The following GLS variants were observed in gnomAD, a reference collection of about 807,000 sequenced individuals.
GLS encodes glutaminase kidney isoform, mitochondrial.
A neutral mutation model predicts 86.7 loss-of-function variants in GLS; 36 were observed. The observed-to-expected ratio is 0.42, with a 90% CI of 0.32 to 0.55. GLS has a LOEUF of 0.55. Among genes scored for constraint, GLS ranks in the 20% least tolerant of loss-of-function variants. The pLI is 0.17. For synonymous variants in GLS, 317 were observed against 305.9 expected, an observed-to-expected ratio of 1.04 and a Z score of -0.38; for missense variants, 528 against 833.4, an observed-to-expected ratio of 0.63 and a Z score of 4.51.
At chr2:190,889,951 T>C (rs1474153028) in intron 1 of GLS, among the ~76,000 whole-genome samples, 1 of 152,208 alleles carries the variant, frequency 6.6e-6, no homozygotes, top group Non-Finnish European at 1.5e-5. Context: ...ATGTGCATTT[T>C]GGTTAGAAAT....
At chr2:190,890,224 C>G (rs1158557679) in intron 1 of GLS, among the ~76,000 whole-genome samples, 1 of 152,028 alleles carries the variant, frequency 6.6e-6, no homozygotes, top group Non-Finnish European at 1.5e-5. Context: ...TGCTGTGTCA[C>G]CCAGGCTGGA....
At chr2:190,952,116 A>G (rs1318424809) in intron 14 of GLS, among the ~76,000 whole-genome samples, 1 of 152,194 alleles carries the variant, frequency 6.6e-6, no homozygotes, top group Non-Finnish European at 1.5e-5. Context: ...GTAGGACAAC[A>G]AGAAATGGGA....
rs373917672 is a variant in GLS at position 190,884,393 on chromosome 2, G to A, written c.386+2923G>A. Among the ~76,000 whole-genome samples the A allele has an allele frequency of 4.6e-5, 7 of 152,058 alleles. No homozygotes were observed. In the East Asian group the frequency reaches 5.8e-4, roughly 13 times the overall value. ...TTTTCTCCAATTCAACCTATTTTGC[G>A]TACTGTTATGAGAGTAATTTTAGAG... On this transcript the variant is annotated intron_variant, in intron 1 of 17. Transcript: ENST00000320717.
In GLS at chr2:190,905,028, T is replaced by G; in HGVS notation, c.840T>G (p.Val280=). Residue 280 remains valine, a synonymous_variant, in exon 6 of 18, where the codon GTT becomes GTG. Coordinates refer to ENST00000320717, the MANE Select transcript of GLS (RefSeq NM_014905.5). The surrounding 1 kb of genome is among the most constrained non-coding windows in gnomAD (Gnocchi z 4.6). ...GGCATTCTACTGGAGATACCAAAGT[T>G]CCCTTCTGTCTTCAGTCCTGTGTAA... The part of the protein sequence containing the change: ...GQRHSTGDTK[V]PFCLQSCVKP... 1 of 1,600,318 alleles carries G rather than the reference T, an allele frequency of 6.2e-7. No homozygotes were observed. The highest frequency in any genetic ancestry group is 8.6e-7 in the Non-Finnish European group (1 of 1,168,258).
At chr2:190,893,255 A>G (rs1199611315) in intron 1 of GLS, among the ~76,000 whole-genome samples, 1 of 152,216 alleles carries the variant, frequency 6.6e-6, no homozygotes, top group African/African-American at 2.4e-5. Flanking sequence ...ATAACAAGCT[A>G]GTAAGTTAGA....
chr2:190,885,891 G>A (rs972186998), intron 1 of GLS, among the ~76,000 whole-genome samples: 2 of 146,678 alleles, frequency 1.4e-5, no homozygotes, highest in South Asian at 2.2e-4. Context: ...ATTTATTTTT[G>A]AGGTGGAGTC....
intron 14 of GLS, among the ~76,000 whole-genome samples, chr2:190,939,350 A>G (rs1429275185): frequency 6.6e-6 from 1 of 151,694 alleles, no homozygotes; most frequent in Non-Finnish European, 1.5e-5. Context: ...AAACTTAAAT[A>G]TTGTTGCTCT....
chr2:190,901,770 G>C (rs149637529), intron 4 of GLS, among the ~76,000 whole-genome samples, 177 bp from the exon 5 acceptor site: 1 of 152,182 alleles, frequency 6.6e-6, no homozygotes, highest in Admixed American at 6.5e-5. Flanking sequence ...TCTCAAGTCT[G>C]TTTTGCCTTT....
Position 190,895,897 on chromosome 2 carries a change from C to T in GLS, c.605+172C>T, listed in dbSNP as rs1688717214. ...GTACATATTAGGTTCTATAATACAC[C>T]GGGCTAAGAGTATTCTTTCTTTAAA... On this transcript the variant is annotated intron_variant, in intron 3 of 17. Transcript: ENST00000320717. The surrounding 1 kb of genome is among the most constrained non-coding windows in gnomAD (Gnocchi z 4.2). The T allele has an allele frequency of 4.4e-6, 2 of 451,524 alleles. No homozygotes were observed. The highest frequency in any genetic ancestry group is 4.5e-5 in the South Asian group (1 of 22,166). The allele number at this position is 451,524 out of a possible 1,614,324, so 28.0% of individuals were successfully genotyped here.
At chr2:190,896,840 T>G (rs536727998) in intron 3 of GLS, among the ~76,000 whole-genome samples, 7 of 152,276 alleles carry the variant, frequency 4.6e-5, no homozygotes, top group Admixed American at 2.6e-4. Context: ...ATTTCTAAAT[T>G]TATTTGTGTC....
chr2:190,893,453 G>A (rs898017817), intron 1 of GLS, among the ~76,000 whole-genome samples: 1 of 152,204 alleles, frequency 6.6e-6, no homozygotes, highest in Non-Finnish European at 1.5e-5. Context: ...ATCATACTAT[G>A]TTTTGGATAA....
intron 14 of GLS, among the ~76,000 whole-genome samples, chr2:190,942,722 A>G (rs959146774): frequency 6.6e-6 from 1 of 152,156 alleles, no homozygotes; most frequent in Non-Finnish European, 1.5e-5. Flanking sequence ...AACTTTGGCT[A>G]TTGTAACAAT....
chr2:190,962,447 C>A lies in GLS; in HGVS notation c.1854-383C>A, dbSNP rs1382283706. ...GGCTAGAGTGATGGATGTTATATGC[C>A]TGAATTTTCTTTGAACATTTTATTT... is the stretch of plus-strand genomic sequence containing the variant. On this transcript the variant is annotated intron_variant, in intron 17 of 17. Transcript: ENST00000320717. This position sits in a 1 kb window ranked among gnomAD's most constrained non-coding sequence, Gnocchi z 4.2. Among the ~76,000 whole-genome samples the A allele has an allele frequency of 6.6e-6, 1 of 152,150 alleles. No homozygotes were observed. The highest frequency in any genetic ancestry group is 2.4e-5 in the African/African-American group (1 of 41,432).
chr2:190,909,012 GATA>G (rs1160981976), intron 6 of GLS, among the ~76,000 whole-genome samples: 1 of 152,154 alleles, frequency 6.6e-6, no homozygotes, highest in African/African-American at 2.4e-5. Context: ...TGAAATGACA[GATA>G]ATAAACATCC....
At chr2:190,957,167 T>G (rs1385108130) in intron 17 of GLS, among the ~76,000 whole-genome samples, 1 of 152,206 alleles carries the variant, frequency 6.6e-6, no homozygotes, top group Non-Finnish European at 1.5e-5. Context: ...CTCAGCTCAC[T>G]GCAACCTCTG....
At chr2:190,899,141 C>T (rs1483707991) in intron 3 of GLS, among the ~76,000 whole-genome samples, 1 of 152,086 alleles carries the variant, frequency 6.6e-6, no homozygotes, top group East Asian at 1.9e-4. Flanking sequence ...ACATCTCTTG[C>T]AACTCTGATA....
intron 14 of GLS, chr2:190,933,664 C>T (rs1690179528): frequency 1.0e-6 from 1 of 953,412 alleles, no homozygotes. Context: ...GTGAATTGTT[C>T]ACCTAAACAA....
intron 14 of GLS, among the ~76,000 whole-genome samples, chr2:190,948,888 G>A (rs1264591381): frequency 6.6e-6 from 1 of 152,166 alleles, no homozygotes. Context: ...GTAGATCCAG[G>A]GTTGTGGTGG....
Position 190,962,775 on chromosome 2 carries a change from C to G in GLS, c.1854-55C>G, listed in dbSNP as rs566679898. ...TTAAAATCTAGGAATGTGGGGTGAT[C>G]ATCTTTGTACATAAATTACCTAATG... On this transcript the variant is annotated intron_variant, in intron 17 of 17. Coordinates refer to ENST00000320717, the MANE Select transcript of GLS (RefSeq NM_014905.5). The surrounding 1 kb of genome is among the most constrained non-coding windows in gnomAD (Gnocchi z 4.2). 1.9e-3 allele frequency: 2,245 copies of G among 1,154,230 alleles called. 7 individuals carry two copies. Among genetic ancestry groups the G allele is most frequent in the Non-Finnish European group, 2.2e-3 (1,938 of 867,520 alleles). The allele number at this position is 1,154,230 out of a possible 1,614,324, so 71.5% of individuals were successfully genotyped here. A position where few individuals can be genotyped will look rare whatever the true frequency, so the allele number is the denominator to read the frequency against.
Sources: allele counts gnomAD v4.1 joint callset (sites outside exome capture counted in the v4.1 genomes callset), GRCh38; gene constraint gnomAD v4.1.1; non-coding constraint Gnocchi (gnomAD v3.1); transcripts MANE v1.5; gene names NCBI Gene and HGNC (gene_info 2026-07-23, HGNC 2026-07-21).